LDB2: variants seen among roughly 807,000 people sequenced by gnomAD.
The protein encoded by LDB2 is LIM domain binding 2, also known as LIM domain-binding protein 2.
A neutral mutation model predicts 44.3 loss-of-function variants in LDB2; 12 were observed. The ratio of observed to expected loss-of-function variants is 0.27; its 90% CI spans 0.17 to 0.44. The LOEUF is 0.44. Ranked by LOEUF, LDB2 falls within the 20% of genes least tolerant of loss-of-function variation. LDB2 has a pLI of 1.00. For synonymous variants in LDB2, 164 were observed against 174.8 expected, an observed-to-expected ratio of 0.94 and a Z score of 0.49; for missense variants, 344 against 473.5, an observed-to-expected ratio of 0.73 and a Z score of 2.54.
chr4:16,848,834 C>T (rs1260464496), intron 1 of LDB2, among the ~76,000 whole-genome samples: 2 of 152,094 alleles, frequency 1.3e-5, no homozygotes, highest in Non-Finnish European at 2.9e-5. Context: ...CCATCCTGGC[C>T]CAAGTCAGAA....
At chr4:16,652,638 A>T (rs923830229) in intron 2 of LDB2, among the ~76,000 whole-genome samples, 5 of 152,198 alleles carry the variant, frequency 3.3e-5, no homozygotes, top group African/African-American at 1.2e-4. Context: ...GTACCACTTT[A>T]GGAGATCAAA....
intron 1 of LDB2, among the ~76,000 whole-genome samples, chr4:16,847,355 T>C (rs1298847632): frequency 6.6e-6 from 1 of 152,206 alleles, no homozygotes; most frequent in Non-Finnish European, 1.5e-5. Flanking sequence ...TACTCAATAC[T>C]GTTGGAAACT....
chr4:16,526,371 C>T (rs756207725), intron 5 of LDB2, among the ~76,000 whole-genome samples: 1 of 152,190 alleles, frequency 6.6e-6, no homozygotes, highest in Non-Finnish European at 1.5e-5. Context: ...CTCAGACCTT[C>T]GGTCTGGGAG....
At chr4:16,640,597 T>C (rs1331297655) in intron 2 of LDB2, among the ~76,000 whole-genome samples, 1 of 152,202 alleles carries the variant, frequency 6.6e-6, no homozygotes, top group Non-Finnish European at 1.5e-5. Context: ...CTATTAAAAC[T>C]ACTTGTTATA....
chr4:16,716,343 A>C (rs576427094), intron 2 of LDB2, among the ~76,000 whole-genome samples: 1 of 152,314 alleles, frequency 6.6e-6, no homozygotes, highest in South Asian at 2.1e-4. Flanking sequence ...CAAAGCCCGC[A>C]TTCACGGAAT....
intron 1 of LDB2, among the ~76,000 whole-genome samples, chr4:16,875,411 C>A (rs1466599642): frequency 6.6e-6 from 1 of 151,854 alleles, no homozygotes; most frequent in East Asian, 1.9e-4. Flanking sequence ...CCAACTGAAT[C>A]AAAGAGTTCA....
At chr4:16,857,881 T>C (rs182322903) in intron 1 of LDB2, among the ~76,000 whole-genome samples, 5 of 152,264 alleles carry the variant, frequency 3.3e-5, no homozygotes, top group Admixed American at 2.6e-4. Context: ...GCAGTACATC[T>C]TGTGTTCATG....
At chr4:16,850,361 C>T (rs1787953552) in intron 1 of LDB2, among the ~76,000 whole-genome samples, 2 of 151,756 alleles carry the variant, frequency 1.3e-5, no homozygotes, top group African/African-American at 2.4e-5. Context: ...TTCAATTTCC[C>T]TTGCATGCAA....
At chr4:16,736,943 C>CA (rs897145773) in intron 2 of LDB2, among the ~76,000 whole-genome samples, 43 of 151,868 alleles carry the variant, frequency 2.8e-4, no homozygotes, top group African/African-American at 8.2e-4. Context: ...ATCAAAATAA[C>CA]AAAAAAACTA....
intron 5 of LDB2, among the ~76,000 whole-genome samples, chr4:16,545,994 C>T (rs1334326305): frequency 2.0e-5 from 3 of 152,192 alleles, no homozygotes; most frequent in African/African-American, 7.2e-5. Context: ...AAGTCTAACT[C>T]TGCCAGTGGA....
chr4:16,695,376 C>T (rs1455647148), intron 2 of LDB2, among the ~76,000 whole-genome samples: 1 of 150,746 alleles, frequency 6.6e-6, no homozygotes, highest in Non-Finnish European at 1.5e-5. Flanking sequence ...ACTAAAAATA[C>T]AAAATTAGCC....
chr4:16,886,041 T>C (rs1371143375), intron 1 of LDB2, among the ~76,000 whole-genome samples: 1 of 151,870 alleles, frequency 6.6e-6, no homozygotes. Flanking sequence ...CAAAGAGAAA[T>C]TCTATCTCTA....
At chr4:16,636,091 T>C (rs17425382) in intron 2 of LDB2, among the ~76,000 whole-genome samples, 48,619 of 152,180 alleles carry the variant, frequency 0.32, 9,396 homozygotes, top group Middle Eastern at 0.57. Flanking sequence ...ATATGCCATA[T>C]AAAACACCAC....
intron 1 of LDB2, among the ~76,000 whole-genome samples, chr4:16,828,780 T>C (rs1783527094): frequency 6.6e-6 from 1 of 152,092 alleles, no homozygotes; most frequent in African/African-American, 2.4e-5. Flanking sequence ...CCAAAGGGAA[T>C]GGAAGAGGTA....
rs142389244 is a variant in LDB2 at position 16,880,030 on chromosome 4, A to G, written c.132+18324T>C. 9.1e-3 allele frequency among the ~76,000 whole-genome samples: 1,388 copies of G among 152,186 alleles called. 9 individuals carry two copies. Among genetic ancestry groups the G allele is most frequent in the Middle Eastern group, 0.024 (7 of 294 alleles). ...ATGCCAGACGTGTTTGCTTGATGGCATCTCAGACCTTTATTTCCCCAAACC... is the reference window on the plus strand; with the variant it reads ...ATGCCAGACGTGTTTGCTTGATGGCGTCTCAGACCTTTATTTCCCCAAACC... On this transcript the variant is annotated intron_variant, in intron 1 of 7. Coordinates refer to ENST00000304523, the MANE Select transcript of LDB2 (RefSeq NM_001290.5).
At chr4:16,672,811 CG>C (rs1745169279) in intron 2 of LDB2, among the ~76,000 whole-genome samples, 3 of 123,680 alleles carry the variant, frequency 2.4e-5, no homozygotes, top group Admixed American at 8.8e-5. Flanking sequence ...GAACTGCTTG[CG>C]TGCCTGCCTG....
At chr4:16,706,529 G>A (rs1281808627) in intron 2 of LDB2, among the ~76,000 whole-genome samples, 1 of 152,204 alleles carries the variant, frequency 6.6e-6, no homozygotes. Flanking sequence ...ATGGTATTTT[G>A]TGATAGCAGC....
At chr4:16,764,286 A>T (rs962428665) in intron 1 of LDB2, among the ~76,000 whole-genome samples, 5 of 152,152 alleles carry the variant, frequency 3.3e-5, no homozygotes, top group Admixed American at 6.5e-5. Flanking sequence ...CTGATAATAA[A>T]TCTTTTGGAA....
chr4:16,754,655 C>T lies in LDB2; in HGVS notation c.235+4503G>A, dbSNP rs539085351. 7.2e-5 allele frequency among the ~76,000 whole-genome samples: 11 copies of T among 152,188 alleles called. No individual in the cohort carries two copies. The East Asian group carries it at 2.1e-3, about 29-fold the overall frequency. ...CAAGTAATTCTCCTATCTCAGCCTC[C>T]CAAGTGGCTGGGACTACAGACGCAT... On this transcript the variant is annotated intron_variant, in intron 2 of 7. Transcript: ENST00000304523.
Sources: gnomAD v4.1 joint callset for allele counts (sites outside exome capture counted in the v4.1 genomes callset) on GRCh38, gnomAD v4.1.1 for gene constraint, MANE v1.5 for transcripts, NCBI Gene and HGNC (gene_info 2026-07-23, HGNC 2026-07-21) for gene names.